The following ZNF597 variants were observed in gnomAD, a reference collection of about 807,000 sequenced individuals.
The protein encoded by ZNF597 is zinc finger protein 597.
ZNF597 carries 5 observed loss-of-function variants against 7.3 expected under a neutral mutation model. The ratio of observed to expected loss-of-function variants is 0.68; its 90% CI spans 0.36 to 1.44. The LOEUF (loss-of-function observed/expected upper bound fraction) is 1.44. ZNF597 is among the 40% of genes most tolerant of loss of function. ZNF597 has a pLI of 0.04. For synonymous variants in ZNF597, 209 were observed against 185.4 expected, an observed-to-expected ratio of 1.13 and a Z score of -1.04; for missense variants, 585 against 517.9, an observed-to-expected ratio of 1.13 and a Z score of -1.26.
chr16:3,436,638 G>C lies in ZNF597; in HGVS notation c.1061C>G (p.Ser354Cys). Residue 354 changes from serine (S) to cysteine (C), a missense_variant, in exon 4 of 4, where the codon TCT becomes TGT. By Grantham distance (112) the Ser-to-Cys change is moderately radical. Coordinates refer to ENST00000301744, the MANE Select transcript of ZNF597 (RefSeq NM_152457.3). ...AATGTTCTGATGGGAAATAAGCTCA[G>C]AGAAACAAGGAAAGGTCATGTCACA... ...PDCDMTFPCFSELISHQNIHT... is the reference protein window; with the variant it reads ...PDCDMTFPCFCELISHQNIHT... 1 of 1,608,036 alleles carries C rather than the reference G, an allele frequency of 6.2e-7. No individual in the cohort carries two copies.
intron 3 of ZNF597, among the ~76,000 whole-genome samples, chr16:3,439,704 T>C (rs948343732): frequency 5.9e-5 from 9 of 151,450 alleles, no homozygotes; most frequent in Non-Finnish European, 4.4e-5. Context: ...GTCCAAAATA[T>C]TTTTAAAAAT....
intron 3 of ZNF597, among the ~76,000 whole-genome samples, chr16:3,440,589 G>A (rs1311480015): frequency 1.3e-5 from 2 of 151,966 alleles, no homozygotes; most frequent in Non-Finnish European, 2.9e-5. Flanking sequence ...AGCAGAGATC[G>A]TGCCACTGCA....
At position 3,437,299 on chromosome 16, in the gene ZNF597, CAG is replaced by C. The variant is rs773002034; in HGVS notation, c.398_399del (p.Ser133Ter). 5 of 1,614,176 alleles carry C rather than the reference CAG, an allele frequency of 3.1e-6. No homozygotes were observed. Among genetic ancestry groups the C allele is most frequent in the Non-Finnish European group, 4.2e-6 (5 of 1,180,024 alleles). On this transcript the variant is annotated frameshift_variant, in exon 4 of 4. Transcript: ENST00000301744. LOFTEE classifies it low-confidence loss of function (END_TRUNC). ...GAAAGTGTGTTGGTTCCTAAATATT[CAG>C]AGAGTTCTACTAATGGGGTGTGGTT... ...IENHTPLVEL[S>X]EYLGTNTLSE...
chr16:3,437,029 G>T lies in ZNF597; in HGVS notation c.670C>A (p.His224Asn). 6.2e-7 allele frequency: 1 copy of T among 1,614,214 alleles called. No individual in the cohort carries two copies. Among genetic ancestry groups the T allele is most frequent in the South Asian group, 1.1e-5 (1 of 91,088 alleles). The change falls in exon 4 of 4, where the codon CAC becomes AAC. Residue 224 changes from histidine to asparagine, a missense_variant. Transcript: ENST00000301744. ...CAKCSASFRQ[H>N]SHLSRHMNSH... is the part of the protein sequence containing the mutation. ...TTCATGTGTCGGGATAGATGAGAGT[G>T]CTGGCGAAAGCTGGCACTGCACTTG...
rs2034284394 is a variant in ZNF597, at chr16:3,434,764, AAG to A, written c.*1658_*1659del. On this transcript the variant is annotated 3_prime_UTR_variant, in exon 4 of 4. Coordinates refer to ENST00000301744, the MANE Select transcript of ZNF597 (RefSeq NM_152457.3). ...GCTACCTTCCATATAATTAGTCCTC[AAG>A]AGTCCTTTATCTTTTCTCCCAGCAA... is the stretch of plus-strand genomic sequence containing the variant. The A allele has an allele frequency of 6.6e-6, 1 of 152,166 alleles. No homozygotes were observed. The highest frequency in any genetic ancestry group is 2.4e-5 in the African/African-American group (1 of 41,436). The allele number at this position is 152,166 out of a possible 1,614,324, so 9.4% of individuals were successfully genotyped here.
At chr16:3,439,903 A>C (rs887371303) in intron 3 of ZNF597, among the ~76,000 whole-genome samples, 3 of 152,168 alleles carry the variant, frequency 2.0e-5, no homozygotes, top group Non-Finnish European at 2.9e-5. Flanking sequence ...AACCATTATA[A>C]ATATACTCCA....
In ZNF597 at chr16:3,442,991, G is replaced by A. The variant is rs1319429310; in HGVS notation, c.33+130C>T. Reference sequence around the variant, plus strand: ...GTGGTCTTGGAACGAAGAACACTTGGTCAAAGGGCTATTTGGGGCTCAGGA... The same window carrying A: ...GTGGTCTTGGAACGAAGAACACTTGATCAAAGGGCTATTTGGGGCTCAGGA... On this transcript the variant is annotated intron_variant, in intron 2 of 3. Transcript: ENST00000301744. 8.3e-6 allele frequency: 9 copies of A among 1,089,136 alleles called. No homozygotes were observed. In the South Asian group the frequency reaches 1.0e-4, roughly 12 times the overall value. 67.5% of individuals were successfully genotyped at this position (1,089,136 alleles called of 1,614,324 possible).
rs563684951 is a variant in ZNF597, at chr16:3,433,005, T to C, written c.*3419A>G. The C allele has an allele frequency of 6.6e-6, 1 of 152,338 alleles. No individual in the cohort carries two copies. The highest frequency in any genetic ancestry group is 1.9e-4 in the East Asian group (1 of 5,188). The allele number at this position is 152,338 out of a possible 1,614,324, so 9.4% of individuals were successfully genotyped here. ...TTTGATCAAACTCTGCAGTTTCAGATTGTATGACATCTTATGCTGCAGTCA... is the reference window on the plus strand; with the variant it reads ...TTTGATCAAACTCTGCAGTTTCAGACTGTATGACATCTTATGCTGCAGTCA... On this transcript the variant is annotated 3_prime_UTR_variant, in exon 4 of 4. Coordinates refer to ENST00000301744, the MANE Select transcript of ZNF597 (RefSeq NM_152457.3).
At chr16:3,441,188 G>T (rs1164918012) in intron 2 of ZNF597, among the ~76,000 whole-genome samples, 3 of 152,194 alleles carry the variant, frequency 2.0e-5, no homozygotes, top group Admixed American at 1.3e-4. Flanking sequence ...TGTCTATCTT[G>T]AAAGAGAAAA....
Position 3,434,179 on chromosome 16 carries a change from C to G in ZNF597, c.*2245G>C, listed in dbSNP as rs145834469. On this transcript the variant is annotated 3_prime_UTR_variant, in exon 4 of 4. Coordinates refer to ENST00000301744, the MANE Select transcript of ZNF597 (RefSeq NM_152457.3). Reference sequence around the variant, plus strand: ...CCTTCTAAGATATTCCCCTCTACTTCTTTCTGCAGCAACTCTGCTAATCCA... The same window carrying G: ...CCTTCTAAGATATTCCCCTCTACTTGTTTCTGCAGCAACTCTGCTAATCCA... 6.6e-6 allele frequency: 1 copy of G among 152,326 alleles called. No individual in the cohort carries two copies. The highest frequency in any genetic ancestry group is 1.9e-4 in the East Asian group (1 of 5,188). The allele number at this position is 152,326 out of a possible 1,614,324, so 9.4% of individuals were successfully genotyped here.
In ZNF597 at chr16:3,437,213, G is replaced by A. The variant is rs376560118; in HGVS notation, c.486C>T (p.Asp162=). Residue 162 remains aspartate (D), a synonymous_variant, in exon 4 of 4, where the codon GAC becomes GAT. Transcript: ENST00000301744. ...GGTATGAATGATCGCTGAAGTTTTG[G>A]TCACACTCAGGACATTTGTACACAT... ...AKNVYKCPEC[D]QNFSDHSYLV... 11 of 1,614,152 alleles carry A rather than the reference G, an allele frequency of 6.8e-6. No individual in the cohort carries two copies. Among genetic ancestry groups the A allele is most frequent in the Non-Finnish European group, 9.3e-6 (11 of 1,180,040 alleles).
At chr16:3,440,960 C>A (rs971820319) in intron 2 of ZNF597, 27 bp from the exon 3 acceptor site, 1 of 1,608,072 alleles carries the variant, frequency 6.2e-7, no homozygotes, top group Non-Finnish European at 8.5e-7. Context: ...TGTGTCAGCA[C>A]AAGAGGGTGG....
In ZNF597 at chr16:3,434,482, GAAAC is replaced by G. The variant is rs542636944; in HGVS notation, c.*1938_*1941del. On this transcript the variant is annotated 3_prime_UTR_variant, in exon 4 of 4. Transcript: ENST00000301744. The stretch of plus-strand genomic sequence containing the variant: ...CTGTCTCCTAAGAGTGGAGACATCA[GAAAC>G]AAACAGCCAAAGTCTGACCTTGACA... The G allele has an allele frequency of 3.9e-5, 6 of 152,184 alleles. No individual in the cohort carries two copies. The highest frequency in any genetic ancestry group is 5.9e-5 in the Non-Finnish European group (4 of 68,042). The allele number at this position is 152,184 out of a possible 1,614,324, so 9.4% of individuals were successfully genotyped here. A position where few individuals can be genotyped will look rare whatever the true frequency, so the allele number is the denominator to read the frequency against.
In ZNF597 at chr16:3,440,890, T is replaced by G; in HGVS notation, c.77A>C (p.Glu26Ala). The change falls in exon 3 of 4, where the codon GAG becomes GCG. Residue 26 changes from glutamate to alanine, a missense_variant. Physicochemically the swap from Glu to Ala is moderately radical, Grantham distance 107. Transcript: ENST00000301744. ...GGCAGGGTGCAGAGTCACGCACTCC[T>G]CTTGAGAAAAATACACAGCCAGATC... ...FEDLAVYFSQEECVTLHPAQR... is the reference protein window; with the variant it reads ...FEDLAVYFSQAECVTLHPAQR... 2 of 1,614,000 alleles carry G rather than the reference T, an allele frequency of 1.2e-6. No individual in the cohort carries two copies. The highest frequency in any genetic ancestry group is 1.7e-6 in the Non-Finnish European group (2 of 1,179,936).
Position 3,434,957 on chromosome 16 carries a change from C to A in ZNF597, c.*1467G>T, listed in dbSNP as rs1452084396. The A allele has an allele frequency of 6.6e-6, 1 of 152,132 alleles. No individual in the cohort carries two copies. The highest frequency in any genetic ancestry group is 1.5e-5 in the Non-Finnish European group (1 of 68,032). The allele number at this position is 152,132 out of a possible 1,614,324, so 9.4% of individuals were successfully genotyped here. A position where few individuals can be genotyped will look rare whatever the true frequency, so the allele number is the denominator to read the frequency against. On this transcript the variant is annotated 3_prime_UTR_variant, in exon 4 of 4. Transcript: ENST00000301744. ...GAAATTGTATATGAATCTATATTTACAACATTCTGTGGTTCTTTAACATTA... is the reference window on the plus strand; with the variant it reads ...GAAATTGTATATGAATCTATATTTAAAACATTCTGTGGTTCTTTAACATTA...
intron 3 of ZNF597, among the ~76,000 whole-genome samples, chr16:3,437,892 G>A (rs918344385): frequency 1.2e-4 from 18 of 152,148 alleles, no homozygotes; most frequent in Non-Finnish European, 2.2e-4. Flanking sequence ...AGTGACAGCA[G>A]AACAATTAAC....
chr16:3,441,010 G>C, intron 2 of ZNF597, 77 bp from the exon 3 acceptor site: 1 of 1,548,456 alleles, frequency 6.5e-7, no homozygotes, highest in Non-Finnish European at 8.7e-7. Flanking sequence ...GATGAAAAGA[G>C]CTAGAAACAT....
intron 2 of ZNF597, among the ~76,000 whole-genome samples, chr16:3,441,318 G>A (rs1252890135): frequency 6.6e-6 from 1 of 151,940 alleles, no homozygotes; most frequent in Non-Finnish European, 1.5e-5. Flanking sequence ...GAGTCTGAGG[G>A]GGATGCAGAT....
At chr16:3,439,246 G>T (rs1481760606) in intron 3 of ZNF597, among the ~76,000 whole-genome samples, 1 of 151,764 alleles carries the variant, frequency 6.6e-6, no homozygotes, top group Non-Finnish European at 1.5e-5. Flanking sequence ...AGACAAGCAT[G>T]GTAGTGCATG....
Sources: allele counts gnomAD v4.1 joint callset (sites outside exome capture counted in the v4.1 genomes callset), GRCh38; gene constraint gnomAD v4.1.1; transcripts MANE v1.5; gene names NCBI Gene and HGNC (gene_info 2026-07-23, HGNC 2026-07-21).